CDH12: variants seen among roughly 807,000 people sequenced by gnomAD.
CDH12 encodes cadherin 12.
CDH12 carries 41 observed loss-of-function variants against 74.1 expected under a neutral mutation model. The ratio of observed to expected loss-of-function variants is 0.55; its 90% CI spans 0.43 to 0.72. CDH12 has a LOEUF of 0.72. Among genes scored for constraint, CDH12 ranks in the 30% least tolerant of loss-of-function variants. The pLI is 0.00. For missense variants in CDH12, 945 were observed against 977.2 expected (o/e 0.97, Z 0.44); for synonymous variants, 399 against 355.0 (o/e 1.12, Z -1.39).
At chr5:21,936,248 A>G (rs1561311768) in intron 6 of CDH12, among the ~76,000 whole-genome samples, 1 of 152,206 alleles carries the variant, frequency 6.6e-6, no homozygotes, top group Non-Finnish European at 1.5e-5. Context: ...CTCCGCGCCA[A>G]CATTTGTTAT....
chr5:22,807,233 T>C (rs1283199093), intron 1 of CDH12, among the ~76,000 whole-genome samples: 1 of 152,240 alleles, frequency 6.6e-6, no homozygotes, highest in African/African-American at 2.4e-5. Context: ...ATGGGAATAA[T>C]ATTATAGTCA....
intron 6 of CDH12, chr5:21,883,017 G>T: frequency 6.2e-7 from 1 of 1,608,468 alleles, no homozygotes; most frequent in Non-Finnish European, 8.5e-7. Flanking sequence ...AATCAGGAGA[G>T]GTGTGATGTT....
intron 6 of CDH12, among the ~76,000 whole-genome samples, chr5:21,905,914 G>T (rs1753621430): frequency 6.6e-6 from 1 of 151,948 alleles, no homozygotes; most frequent in Non-Finnish European, 1.5e-5. Context: ...ACTTTCTTCT[G>T]TTTGTTTCTA....
At chr5:22,147,267 T>C (rs1158249269) in intron 4 of CDH12, among the ~76,000 whole-genome samples, 1 of 152,170 alleles carries the variant, frequency 6.6e-6, no homozygotes, top group Non-Finnish European at 1.5e-5. Flanking sequence ...GAGGATCACA[T>C]TGGGCATTTG....
At chr5:22,448,666 G>T (rs560146103) in intron 2 of CDH12, among the ~76,000 whole-genome samples, 1 of 152,126 alleles carries the variant, frequency 6.6e-6, no homozygotes, top group African/African-American at 2.4e-5. Flanking sequence ...TAAGTTTATA[G>T]TTAAAGAGCA....
intron 1 of CDH12, among the ~76,000 whole-genome samples, chr5:22,631,582 A>G (rs1738587635): frequency 6.6e-6 from 1 of 152,154 alleles, no homozygotes; most frequent in African/African-American, 2.4e-5. Flanking sequence ...GGACCTAAAC[A>G]TCGAGTATCC....
chr5:22,432,491 A>C (rs535962709), intron 2 of CDH12, among the ~76,000 whole-genome samples: 118 of 152,158 alleles, frequency 7.8e-4, no homozygotes, highest in Non-Finnish European at 1.1e-3. Flanking sequence ...GTGATAGTGG[A>C]AAAACTATGC....
chr5:22,666,796 A>C (rs922655470), intron 1 of CDH12, among the ~76,000 whole-genome samples: 1 of 152,350 alleles, frequency 6.6e-6, no homozygotes, highest in South Asian at 2.1e-4. Context: ...TATTATGTGC[A>C]TTATAGCTGT....
chr5:22,787,793 G>A (rs373684960), intron 1 of CDH12, among the ~76,000 whole-genome samples: 2 of 152,066 alleles, frequency 1.3e-5, no homozygotes, highest in Admixed American at 6.6e-5. Context: ...GTCCTCACTC[G>A]CTGGTTTCCA....
At chr5:22,721,349 G>C (rs1366207145) in intron 1 of CDH12, among the ~76,000 whole-genome samples, 1 of 152,252 alleles carries the variant, frequency 6.6e-6, no homozygotes, top group Non-Finnish European at 1.5e-5. Flanking sequence ...AAGATTGAAT[G>C]ACTGTCCTGC....
chr5:22,199,732 G>T (rs1033514443), intron 4 of CDH12, among the ~76,000 whole-genome samples: 21 of 152,244 alleles, frequency 1.4e-4, no homozygotes, highest in African/African-American at 4.6e-4. Context: ...CAAGAGATAT[G>T]TCTCTATTAT....
At chr5:22,338,981 G>A (rs1561325280) in intron 3 of CDH12, among the ~76,000 whole-genome samples, 1 of 152,128 alleles carries the variant, frequency 6.6e-6, no homozygotes, top group Non-Finnish European at 1.5e-5. Flanking sequence ...AGAACTGAAA[G>A]CTGCCAACAA....
intron 1 of CDH12, among the ~76,000 whole-genome samples, chr5:22,587,361 T>C (rs1046342178): frequency 2.6e-5 from 4 of 152,110 alleles, no homozygotes; most frequent in African/African-American, 9.7e-5. Flanking sequence ...CTCCGTTCTT[T>C]ATAATTACCT....
chr5:22,403,865 C>T (rs968572266), intron 3 of CDH12, among the ~76,000 whole-genome samples: 24 of 152,042 alleles, frequency 1.6e-4, no homozygotes, highest in African/African-American at 5.8e-4. Flanking sequence ...TATTAGTAAC[C>T]TCACCAAGAT....
At position 22,749,919 on chromosome 5, in the gene CDH12, A is replaced by G. The variant is rs184488859; in HGVS notation, c.-523+103139T>C. 2.7e-3 allele frequency among the ~76,000 whole-genome samples: 411 copies of G among 152,282 alleles called. 4 individuals carry two copies. The highest frequency in any genetic ancestry group is 9.6e-3 in the African/African-American group (398 of 41,556). Reference sequence around the variant, plus strand: ...TTTTGAGTTGCATAGACACACACAAAATCACTTAGGCACACATACAATTTT... The same window carrying G: ...TTTTGAGTTGCATAGACACACACAAGATCACTTAGGCACACATACAATTTT... On this transcript the variant is annotated intron_variant, in intron 1 of 14. Transcript: ENST00000382254.
At chr5:22,637,595 T>C (rs1019074564) in intron 1 of CDH12, among the ~76,000 whole-genome samples, 6 of 152,228 alleles carry the variant, frequency 3.9e-5, no homozygotes, top group South Asian at 2.1e-4. Flanking sequence ...ATGGCGCAGA[T>C]TGCGCTTCCT....
chr5:21,946,295 G>T (rs1411413136), intron 6 of CDH12, among the ~76,000 whole-genome samples: 1 of 152,128 alleles, frequency 6.6e-6, no homozygotes, highest in Non-Finnish European at 1.5e-5. Flanking sequence ...GATAAAAGAA[G>T]AAGGTTTTCA....
chr5:22,694,816 T>C (rs921962123), intron 1 of CDH12, among the ~76,000 whole-genome samples: 3 of 152,092 alleles, frequency 2.0e-5, no homozygotes, highest in Admixed American at 6.6e-5. Flanking sequence ...CACACATATA[T>C]ATACATATAT....
intron 11 of CDH12, among the ~76,000 whole-genome samples, chr5:21,780,500 T>A (rs1745845962): frequency 6.6e-6 from 1 of 152,198 alleles, no homozygotes; most frequent in Non-Finnish European, 1.5e-5. Flanking sequence ...GTCTGAGACA[T>A]CCATCTAGAG....
Sources: gnomAD v4.1 joint callset for allele counts (sites outside exome capture counted in the v4.1 genomes callset) on GRCh38, gnomAD v4.1.1 for gene constraint, MANE v1.5 for transcripts, NCBI Gene and HGNC (gene_info 2026-07-23, HGNC 2026-07-21) for gene names.